PLCD1: variants seen among roughly 807,000 people sequenced by gnomAD.
PLCD1 encodes the protein 1-phosphatidylinositol 4,5-bisphosphate phosphodiesterase delta-1.
Under a neutral mutation model 87.4 loss-of-function variants are expected in PLCD1, and 71 were observed. The ratio of observed to expected loss-of-function variants is 0.81; its 90% CI spans 0.67 to 0.99. The LOEUF (loss-of-function observed/expected upper bound fraction) is 0.99. Among genes scored for constraint, PLCD1 ranks in the 50% least tolerant of loss-of-function variants. The pLI, the probability that PLCD1 is intolerant of heterozygous loss-of-function variation, is 0.00. For synonymous variants in PLCD1, 348 were observed against 399.2 expected (o/e 0.87, Z 1.53); for missense variants, 867 against 1,001.5 (o/e 0.87, Z 1.81).
At chr3:38,023,206 A>G (rs1260470682) in intron 1 of PLCD1, among the ~76,000 whole-genome samples, 2 of 152,114 alleles carry the variant, frequency 1.3e-5, no homozygotes, top group Non-Finnish European at 2.9e-5. Flanking sequence ...AGCGATACAC[A>G]GCTACACAGA....
chr3:38,026,094 C>T (rs58012019), intron 1 of PLCD1, among the ~76,000 whole-genome samples: 1 of 152,156 alleles, frequency 6.6e-6, no homozygotes. Flanking sequence ...GCAAAGGGAG[C>T]CTGTGTTATG....
At chr3:38,024,663 C>T (rs1304518442) in intron 1 of PLCD1, 1 of 1,513,154 alleles carries the variant, frequency 6.6e-7, no homozygotes, top group East Asian at 2.5e-5. Flanking sequence ...GGTAGTCAGA[C>T]GCTAGGAGGC....
intron 3 of PLCD1, among the ~76,000 whole-genome samples, chr3:38,013,033 G>A (rs1044703834): frequency 6.6e-5 from 10 of 151,892 alleles, no homozygotes; most frequent in Admixed American, 6.6e-4. Flanking sequence ...GGAACTACAG[G>A]TGCATGTCAC....
At chr3:38,027,515 A>G (rs1700321778) in intron 1 of PLCD1, among the ~76,000 whole-genome samples, 1 of 152,250 alleles carries the variant, frequency 6.6e-6, no homozygotes, top group Non-Finnish European at 1.5e-5. Context: ...TGCTTTCAGA[A>G]TCTATGCCAG....
In PLCD1 at chr3:38,007,864, G is replaced by T. The variant is rs549213637; in HGVS notation, c.2186-6C>A. On this transcript the variant is annotated splice_region_variant and splice_polypyrimidine_tract_variant and intron_variant, in intron 14 of 14. Coordinates refer to ENST00000334661, the MANE Select transcript of PLCD1 (RefSeq NM_006225.4). ...GAGGTGGACATGGCGGTATCCTGGTGGGTGGACAGGCAGGAGGGAACACAG... is the reference window on the plus strand; with the variant it reads ...GAGGTGGACATGGCGGTATCCTGGTTGGTGGACAGGCAGGAGGGAACACAG... 1.2e-6 allele frequency: 2 copies of T among 1,613,258 alleles called. No individual in the cohort carries two copies. Among genetic ancestry groups the T allele is most frequent in the African/African-American group, 2.7e-5 (2 of 75,036 alleles).
At position 38,008,488 on chromosome 3, in the gene PLCD1, G is replaced by A. The variant is rs1411369412; in HGVS notation, c.1872C>T (p.Pro624=). 1 of 1,614,078 alleles carries A rather than the reference G, an allele frequency of 6.2e-7. No homozygotes were observed. The highest frequency in any genetic ancestry group is 1.1e-5 in the South Asian group (1 of 91,092). ...TFNPRALAQG[P]WWARKRLNIR... is the part of the protein sequence containing the mutation. ...TGTTGAGCCGCTTCCGTGCCCACCA[G>A]GGCCCCTGAGCCAGGGCGCGGGGGT... Residue 624 remains proline, a synonymous_variant, in exon 12 of 15, where the codon CCC becomes CCT. Coordinates refer to ENST00000334661, the MANE Select transcript of PLCD1 (RefSeq NM_006225.4).
chr3:38,008,056 A>AGTC lies in PLCD1; in HGVS notation c.2140_2142dup (p.Asp714dup). The AGTC allele has an allele frequency of 6.2e-7, 1 of 1,614,234 alleles. No homozygotes were observed. Among genetic ancestry groups the AGTC allele is most frequent in the South Asian group, 1.1e-5 (1 of 91,090 alleles). ...AAGGGGATGGTACTCTGGCCAATGA[A>AGTC]GTCATTCTTGGAGGAGGCATCATAA... On this transcript the variant is annotated inframe_insertion, in exon 14 of 15. Transcript: ENST00000334661.
chr3:38,012,727 T>C (rs569075541), intron 3 of PLCD1, among the ~76,000 whole-genome samples: 1 of 151,996 alleles, frequency 6.6e-6, no homozygotes, highest in Non-Finnish European at 1.5e-5. Flanking sequence ...ATGTTGGCTA[T>C]GCTGGTCTTG....
At chr3:38,026,996 A>T (rs1221362479) in intron 1 of PLCD1, among the ~76,000 whole-genome samples, 1 of 151,712 alleles carries the variant, frequency 6.6e-6, no homozygotes, top group African/African-American at 2.4e-5. Flanking sequence ...GTTAGTGTGT[A>T]TGTGGGGGGT....
At position 38,011,603 on chromosome 3, in the gene PLCD1, T is replaced by G. The variant is rs981368759; in HGVS notation, c.499A>C (p.Asn167His). ...DNKMSFKELQ[N>H]FLKELNIQVD... ...TGGATGTTGAGCTCCTTCAGGAAGT[T>G]CTGCAGCTCCTTGAAGCTCATCTTG... The change falls in exon 4 of 15, where the codon AAC becomes CAC. Residue 167 changes from asparagine (N) to histidine (H), a missense_variant. Coordinates refer to ENST00000334661, the MANE Select transcript of PLCD1 (RefSeq NM_006225.4). 7.4e-6 allele frequency: 12 copies of G among 1,614,226 alleles called. No homozygotes were observed. The highest frequency in any genetic ancestry group is 9.3e-6 in the Non-Finnish European group (11 of 1,180,004).
At position 38,007,832 on chromosome 3, in the gene PLCD1, T is replaced by C. The variant is rs1473660103; in HGVS notation, c.2212A>G (p.Lys738Glu). Reference sequence around the variant, plus strand: ...GCTGATGGATGCTGGTCCCCGTTCTTAGACATGAGGTGGACATGGCGGTAT... The same window carrying C: ...GCTGATGGATGCTGGTCCCCGTTCTCAGACATGAGGTGGACATGGCGGTAT... ...QGYRHVHLMS[K>E]NGDQHPSATL... The change falls in exon 15 of 15, where the codon AAG (lysine) becomes GAG (glutamate). Residue 738 changes from lysine to glutamate, a missense_variant. Coordinates refer to ENST00000334661, the MANE Select transcript of PLCD1 (RefSeq NM_006225.4). 1.2e-6 allele frequency: 2 copies of C among 1,614,182 alleles called. 1 individual carries two copies. Among genetic ancestry groups the C allele is most frequent in the Middle Eastern group, 3.3e-4 (2 of 6,062 alleles).
chr3:38,011,107 A>C, intron 5 of PLCD1, 107 bp downstream of exon 5: 1 of 843,672 alleles, frequency 1.2e-6, no homozygotes, highest in Non-Finnish European at 1.8e-6. Flanking sequence ...TGGCTGAGGC[A>C]GCCCCTTCCC....
In PLCD1 at chr3:38,029,602, C is replaced by A; in HGVS notation, c.-63G>T. ...CTCACTTGAGTAGCGACAGCACCGG[C>A]GGCCTGGGGTCCGAGCGGAGTGCGG... On this transcript the variant is annotated 5_prime_UTR_variant, in exon 1 of 15. Coordinates refer to ENST00000334661, the MANE Select transcript of PLCD1 (RefSeq NM_006225.4). 4 of 1,484,266 alleles carry A rather than the reference C, an allele frequency of 2.7e-6. No homozygotes were observed. Among genetic ancestry groups the A allele is most frequent in the Middle Eastern group, 2.3e-4 (1 of 4,318 alleles). The allele number at this position is 1,484,266 out of a possible 1,614,324, so 91.9% of individuals were successfully genotyped here.
Position 38,007,723 on chromosome 3 carries a change from G to T in PLCD1, c.*50C>A. ...CCACACCAGCCCTGTCCCCACATGT[G>T]GACAGAGGGCCCAGCCCACTCAGGG... is the stretch of plus-strand genomic sequence containing the variant. On this transcript the variant is annotated 3_prime_UTR_variant, in exon 15 of 15. Coordinates refer to ENST00000334661, the MANE Select transcript of PLCD1 (RefSeq NM_006225.4). 1.4e-6 allele frequency: 2 copies of T among 1,379,786 alleles called. No homozygotes were observed. The highest frequency in any genetic ancestry group is 2.1e-6 in the Non-Finnish European group (2 of 967,786). The allele number at this position is 1,379,786 out of a possible 1,614,324, so 85.5% of individuals were successfully genotyped here.
At chr3:38,029,409 G>T (rs1170186688) in intron 1 of PLCD1, 97 bp downstream of exon 1, 2 of 1,112,016 alleles carry the variant, frequency 1.8e-6, no homozygotes, top group African/African-American at 1.5e-5. Context: ...GTGTGGAGGC[G>T]GCCGAAGGAG....
In PLCD1 at chr3:38,010,442, T is replaced by C. The variant is rs1398394701; in HGVS notation, c.911A>G (p.His304Arg). 6.2e-7 allele frequency: 1 copy of C among 1,614,078 alleles called. No individual in the cohort carries two copies. The highest frequency in any genetic ancestry group is 8.5e-7 in the Non-Finnish European group (1 of 1,180,024). The change falls in exon 6 of 15, where the codon CAC becomes CGC. Residue 304 changes from histidine (H) to arginine (R), a missense_variant. Physicochemically the swap from His to Arg is conservative, Grantham distance 29. Transcript: ENST00000334661. ...VYQDMGQPLS[H>R]YLVSSSHNTY... ...GTTGTGTGAAGAGGACACCAGGTAG[T>C]GGCTAAGTGGCTGGCCCATGTCCTG...
chr3:38,011,653 C>T lies in PLCD1; in HGVS notation c.449G>A (p.Arg150Gln), dbSNP rs780533634. 3.6e-5 allele frequency: 58 copies of T among 1,614,104 alleles called. No homozygotes were observed. The highest frequency in any genetic ancestry group is 4.4e-5 in the South Asian group (4 of 91,092). ...KLQHWIHSCL[R>Q]KADKNKDNKM... ...GTTGTCCTTGTTTTTGTCAGCTTTTCGCAAGCAGGAGTGAATCCAGCTGGG... is the reference window on the plus strand; with the variant it reads ...GTTGTCCTTGTTTTTGTCAGCTTTTTGCAAGCAGGAGTGAATCCAGCTGGG... Residue 150 changes from arginine to glutamine, a missense_variant, in exon 4 of 15, where the codon CGA (arginine) becomes CAA (glutamine). Physicochemically the swap from Arg to Gln is conservative, Grantham distance 43. Coordinates refer to ENST00000334661, the MANE Select transcript of PLCD1 (RefSeq NM_006225.4).
chr3:38,008,883 G>A (rs992435508), intron 11 of PLCD1, 159 bp downstream of exon 11: 3 of 675,808 alleles, frequency 4.4e-6, no homozygotes, highest in Non-Finnish European at 7.9e-6. Context: ...ATGCTGGTGG[G>A]CAGATATTTC....
chr3:38,023,380 C>G (rs1291235667), intron 1 of PLCD1, among the ~76,000 whole-genome samples: 1 of 152,070 alleles, frequency 6.6e-6, no homozygotes, highest in Non-Finnish European at 1.5e-5. Context: ...ACATATAGTG[C>G]CAGAGCATCA....
Sources: allele counts gnomAD v4.1 joint callset (sites outside exome capture counted in the v4.1 genomes callset), GRCh38; gene constraint gnomAD v4.1.1; transcripts MANE v1.5; gene names NCBI Gene and HGNC (gene_info 2026-07-23, HGNC 2026-07-21).